Variants in DNAH6 observed in about 807,000 individuals in gnomAD.
DNAH6 encodes the protein axonemal beta dynein heavy chain 6.
DNAH6 carries 340 observed loss-of-function variants against 491.4 expected under a neutral mutation model. That is an observed-to-expected ratio of 0.69 (90% CI 0.63 to 0.76). The LOEUF (loss-of-function observed/expected upper bound fraction) is 0.76. DNAH6 is among the 30% of genes least tolerant of loss of function. DNAH6 has a pLI of 0.00. For synonymous variants in DNAH6, 1,603 were observed against 1,686.1 expected (o/e 0.95, Z 1.21); for missense variants, 4,443 against 4,972.2 (o/e 0.89, Z 3.20).
At chr2:84,619,957 G>A (rs1687245051) in intron 24 of DNAH6, 53 bp downstream of exon 24, 6 of 1,418,074 alleles carry the variant, frequency 4.2e-6, no homozygotes, top group Non-Finnish European at 5.8e-6. Flanking sequence ...TACTCCTCTA[G>A]GGTTATTCTC....
At chr2:84,786,438 A>C (rs866334245) in intron 67 of DNAH6, among the ~76,000 whole-genome samples, 112 of 151,636 alleles carry the variant, frequency 7.4e-4, no homozygotes, top group African/African-American at 2.6e-3. Context: ...AAAAAAAAAA[A>C]AAAAAAAGAA....
At chr2:84,553,056 T>G in intron 10 of DNAH6, 22 bp downstream of exon 10, 1 of 1,402,488 alleles carries the variant, frequency 7.1e-7, no homozygotes, top group Non-Finnish European at 9.9e-7. Flanking sequence ...TCATGTATTA[T>G]CCACATGCAA....
At chr2:84,475,119 T>A in the DNAH6 span, among the ~76,000 whole-genome samples, 2 of 152,206 alleles carry the variant, frequency 1.3e-5, no homozygotes. Context: ...GTAACCCCTT[T>A]TAAATTTAGA....
chr2:84,784,678 C>G, intron 65 of DNAH6, 44 bp from the exon 66 acceptor site: 1 of 1,293,582 alleles, frequency 7.7e-7, no homozygotes, highest in Non-Finnish European at 1.1e-6. Context: ...CTACTACCAA[C>G]TAAACATTTT....
At chr2:84,693,113 C>T (rs1412014738) in intron 45 of DNAH6, among the ~76,000 whole-genome samples, 1 of 152,138 alleles carries the variant, frequency 6.6e-6, no homozygotes, top group East Asian at 1.9e-4. Context: ...GTCACCATTG[C>T]CTCAGTTCTA....
At chr2:84,464,415 G>T in the DNAH6 span, among the ~76,000 whole-genome samples, 2 of 152,118 alleles carry the variant, frequency 1.3e-5, no homozygotes, top group African/African-American at 4.8e-5. Flanking sequence ...CTTGTTACAA[G>T]ACAGTGGTCC....
rs1558703111 is a variant in DNAH6, at chr2:84,553,383, TTCTTTCTTTCTTTCTTTCTTTC to T, written c.1602+351_1602+372del. On this transcript the variant is annotated intron_variant, in intron 10 of 76. Transcript: ENST00000389394. ...TCTTTTCTTTTCTTTCTTTCTTTCT[TTCTTTCTTTCTTTCTTTCTTTC>T]TTTCTTTCTTTCTTTCTTTCTTTCT... Among the ~76,000 whole-genome samples, 138 of 132,592 alleles carry T rather than the reference TTCTTTCTTTCTTTCTTTCTTTC, an allele frequency of 1.0e-3. 1 individual carries two copies. Among genetic ancestry groups the T allele is most frequent in the African/African-American group, 4.1e-3 (133 of 32,642 alleles). The allele number at this position is 132,592 out of a possible 152,430, so 87.0% of individuals were successfully genotyped here.
intron 33 of DNAH6, among the ~76,000 whole-genome samples, chr2:84,644,734 C>T (rs1306950367): frequency 6.6e-6 from 1 of 152,172 alleles, no homozygotes; most frequent in East Asian, 1.9e-4. Context: ...GGATAATGGC[C>T]TCCAGCTCCA....
intron 20 of DNAH6, among the ~76,000 whole-genome samples, chr2:84,606,648 C>A (rs1372621166): frequency 3.3e-5 from 5 of 152,106 alleles, no homozygotes; most frequent in Admixed American, 3.3e-4. Flanking sequence ...CCCAGGTGAC[C>A]AAATTGTGTT....
chr2:84,797,749 A>G, intron 70 of DNAH6, 91 bp downstream of exon 70: 1 of 1,046,672 alleles, frequency 9.6e-7, no homozygotes, highest in Non-Finnish European at 1.4e-6. Flanking sequence ...TGGAAATTAT[A>G]ATCTTCCTAA....
intron 68 of DNAH6, among the ~76,000 whole-genome samples, chr2:84,793,124 A>G (rs1677936786): frequency 6.6e-6 from 1 of 152,224 alleles, no homozygotes; most frequent in Non-Finnish European, 1.5e-5. Flanking sequence ...GGGTTCTGCA[A>G]TGGTACCCAC....
At chr2:84,558,194 G>A (rs534458799) in intron 11 of DNAH6, among the ~76,000 whole-genome samples, 7 of 152,018 alleles carry the variant, frequency 4.6e-5, no homozygotes, top group African/African-American at 7.2e-5. Context: ...TTGGGAGACC[G>A]AGGCGGGCAG....
chr2:84,816,140 G>A lies in DNAH6; in HGVS notation c.12373+57G>A, dbSNP rs1426398247. The A allele has an allele frequency of 4.4e-6, 6 of 1,364,730 alleles. No homozygotes were observed. The African/African-American group carries it at 8.7e-5, about 20-fold the overall frequency. The allele number at this position is 1,364,730 out of a possible 1,614,324, so 84.5% of individuals were successfully genotyped here. A position where few individuals can be genotyped will look rare whatever the true frequency, so the allele number is the denominator to read the frequency against. On this transcript the variant is annotated intron_variant, in intron 76 of 76. Coordinates refer to ENST00000389394, the MANE Select transcript of DNAH6 (RefSeq NM_001370.2). The stretch of plus-strand genomic sequence containing the variant: ...TGACCAAATGCAATCTTCAATCAAA[G>A]TCCAAACACTAAGCTGTGATTGGCT...
At position 84,634,601 on chromosome 2, in the gene DNAH6, C is replaced by T. The variant is rs1163898909; in HGVS notation, c.4613C>T (p.Ala1538Val). ...RIDIEVLSVIAQQLITIRNAK... is the reference protein window; with the variant it reads ...RIDIEVLSVIVQQLITIRNAK... ...GACATAGAAGTTCTGTCCGTCATCG[C>T]GCAGCAACTCATTACCATTAGGAAC... Residue 1538 changes from alanine to valine, a missense_variant, in exon 30 of 77, where the codon GCG (alanine) becomes GTG (valine). Ala to Val is a moderately conservative substitution (Grantham distance 64). Around this residue, in one of 3 missense-constraint regions of DNAH6, gnomAD observed 2,977 missense variants for 3,296.6 expected, o/e 0.90. Transcript: ENST00000389394. 4.5e-6 allele frequency: 7 copies of T among 1,548,516 alleles called. No homozygotes were observed. The highest frequency in any genetic ancestry group is 2.6e-6 in the Non-Finnish European group (3 of 1,145,836).
At chr2:84,808,652 C>T in intron 72 of DNAH6, 110 bp downstream of exon 72, 1 of 1,104,172 alleles carries the variant, frequency 9.1e-7, no homozygotes, top group Non-Finnish European at 1.3e-6. Context: ...TTTGGATACA[C>T]TAACAACTCT....
At chr2:84,705,081 A>G in intron 51 of DNAH6, among the ~76,000 whole-genome samples, 1 of 152,238 alleles carries the variant, frequency 6.6e-6, no homozygotes, top group East Asian at 1.9e-4. Flanking sequence ...GCAAAAGTTC[A>G]GAAGAACAAA....
chr2:84,741,713 C>T (rs1049074085), intron 62 of DNAH6, among the ~76,000 whole-genome samples: 6 of 152,222 alleles, frequency 3.9e-5, no homozygotes, highest in Non-Finnish European at 5.9e-5. Flanking sequence ...GTGGCTGCAG[C>T]TGTGTCTGTA....
chr2:84,799,387 C>T (rs1471006704), intron 70 of DNAH6, among the ~76,000 whole-genome samples: 1 of 152,180 alleles, frequency 6.6e-6, no homozygotes, highest in Non-Finnish European at 1.5e-5. Flanking sequence ...GTGATCTGGA[C>T]AAAAATGGCT....
chr2:84,598,898 C>G (rs994224094), intron 18 of DNAH6, among the ~76,000 whole-genome samples: 2 of 151,964 alleles, frequency 1.3e-5, no homozygotes, highest in Non-Finnish European at 2.9e-5. Context: ...GGCGTGGTGG[C>G]TTGTGCCTGT....
Sources: allele counts gnomAD v4.1 joint callset (sites outside exome capture counted in the v4.1 genomes callset), GRCh38; gene constraint gnomAD v4.1.1; regional missense constraint gnomAD v4.1.1; transcripts MANE v1.5; gene names NCBI Gene and HGNC (gene_info 2026-07-23, HGNC 2026-07-21).